Variants in ADGRB3 observed in about 807,000 individuals in gnomAD.
ADGRB3 encodes adhesion G protein-coupled receptor B3, also known as brain-specific angiogenesis inhibitor 3.
Under a neutral mutation model 193.4 loss-of-function variants are expected in ADGRB3, and 37 were observed. That is an observed-to-expected ratio of 0.19 (90% CI 0.15 to 0.25). The LOEUF is 0.25. ADGRB3 is among the 10% of genes least tolerant of loss of function. The pLI is 1.00. For missense variants in ADGRB3, 1,637 were observed against 1,852.9 expected, an observed-to-expected ratio of 0.88 and a Z score of 2.14; for synonymous variants, 690 against 644.2, an observed-to-expected ratio of 1.07 and a Z score of -1.08.
At chr6:69,067,314 A>G (rs1771938633) in intron 16 of ADGRB3, among the ~76,000 whole-genome samples, 1 of 152,276 alleles carries the variant, frequency 6.6e-6, no homozygotes, top group East Asian at 1.9e-4. Flanking sequence ...ATTTGCGTGC[A>G]TTCTAATAGC....
intron 3 of ADGRB3, among the ~76,000 whole-genome samples, chr6:68,724,974 C>T (rs879868783): frequency 4.0e-5 from 6 of 151,436 alleles, no homozygotes; most frequent in Non-Finnish European, 8.9e-5. Context: ...TTTTTTTCCG[C>T]AAATATATGT....
chr6:69,294,978 A>G (rs1057071338), intron 20 of ADGRB3, among the ~76,000 whole-genome samples: 1 of 152,132 alleles, frequency 6.6e-6, no homozygotes, highest in Non-Finnish European at 1.5e-5. Context: ...TCAGGAATCT[A>G]TTTGGTGACG....
At chr6:68,884,685 A>T (rs1001850416) in intron 3 of ADGRB3, among the ~76,000 whole-genome samples, 1 of 152,074 alleles carries the variant, frequency 6.6e-6, no homozygotes, top group African/African-American at 2.4e-5. Flanking sequence ...AGTGAAAGAG[A>T]TAGAGAAAAA....
chr6:69,158,724 G>A (rs1443824726), intron 17 of ADGRB3, among the ~76,000 whole-genome samples: 3 of 151,974 alleles, frequency 2.0e-5, no homozygotes, highest in African/African-American at 7.2e-5. Context: ...TCTGAACCCT[G>A]CTTGAAGATA....
intron 20 of ADGRB3, among the ~76,000 whole-genome samples, chr6:69,280,393 T>A (rs1561975365): frequency 6.6e-6 from 1 of 152,156 alleles, no homozygotes; most frequent in African/African-American, 2.4e-5. Context: ...TGAGAGGCAG[T>A]ATTATATTGT....
At position 69,377,400 on chromosome 6, in the gene ADGRB3, A is replaced by T. The variant is rs1441834628; in HGVS notation, c.4275+4959A>T. Among the ~76,000 whole-genome samples the T allele has an allele frequency of 2.0e-5, 3 of 151,998 alleles. No homozygotes were observed. The East Asian group carries it at 5.8e-4, about 29-fold the overall frequency. On this transcript the variant is annotated intron_variant, in intron 30 of 31. Coordinates refer to ENST00000370598, the MANE Select transcript of ADGRB3 (RefSeq NM_001704.3). ...CCAGAATTCCTCTTCACCAAATTGG[A>T]TCATAGTAAGTAGAACTTCTTTTCC...
intron 3 of ADGRB3, among the ~76,000 whole-genome samples, chr6:68,815,142 A>G (rs989457191): frequency 2.0e-5 from 3 of 152,128 alleles, no homozygotes; most frequent in Non-Finnish European, 2.9e-5. Context: ...GGCCAGGGCA[A>G]TCAGGCAGGA....
At chr6:68,923,039 A>C (rs996451704) in intron 3 of ADGRB3, among the ~76,000 whole-genome samples, 2 of 152,132 alleles carry the variant, frequency 1.3e-5, no homozygotes, top group African/African-American at 2.4e-5. Flanking sequence ...GTTAAGATGG[A>C]ATTAGAGTTA....
chr6:69,155,645 A>G (rs1238003363), intron 17 of ADGRB3, among the ~76,000 whole-genome samples: 2 of 152,212 alleles, frequency 1.3e-5, no homozygotes, highest in African/African-American at 4.8e-5. Context: ...CAATCAGTCA[A>G]TCTACTGCTG....
chr6:69,351,653 CT>C (rs1769228956), intron 26 of ADGRB3, among the ~76,000 whole-genome samples: 1 of 152,054 alleles, frequency 6.6e-6, no homozygotes, highest in Non-Finnish European at 1.5e-5. Context: ...TAGAAATGCC[CT>C]TAATCTATTG....
chr6:69,124,192 T>C (rs1425711914), intron 17 of ADGRB3, among the ~76,000 whole-genome samples: 1 of 152,152 alleles, frequency 6.6e-6, no homozygotes, highest in African/African-American at 2.4e-5. Flanking sequence ...ATGTCTTTTT[T>C]CCAAAACACC....
chr6:69,367,020 T>C (rs191301355), intron 29 of ADGRB3, among the ~76,000 whole-genome samples: 129 of 152,136 alleles, frequency 8.5e-4, no homozygotes, highest in African/African-American at 3.0e-3. Flanking sequence ...AACTATGGAA[T>C]GAAAGGGAGA....
intron 31 of ADGRB3, among the ~76,000 whole-genome samples, chr6:69,386,146 A>G (rs1374354103): frequency 6.6e-6 from 1 of 152,122 alleles, no homozygotes; most frequent in Non-Finnish European, 1.5e-5. Context: ...AGAACCTCTC[A>G]GGAATTCAAT....
Position 69,164,731 on chromosome 6 carries a change from G to A in ADGRB3, c.2481-68559G>A, listed in dbSNP as rs989117121. On this transcript the variant is annotated intron_variant, in intron 17 of 31. Transcript: ENST00000370598. ...CTTCTTGTGGGCCAGTTAGAAGACA[G>A]TGAAATGAATGAGACAGCGTCCGTG... Among the ~76,000 whole-genome samples the A allele has an allele frequency of 3.9e-5, 6 of 152,082 alleles. No individual in the cohort carries two copies. The East Asian group carries it at 5.8e-4, about 15-fold the overall frequency.
chr6:68,743,492 A>AT (rs1348125357), intron 3 of ADGRB3, among the ~76,000 whole-genome samples: 5 of 151,570 alleles, frequency 3.3e-5, no homozygotes, highest in Non-Finnish European at 5.9e-5. Flanking sequence ...CATGTGTTCT[A>AT]TTTTTTGAGG....
intron 20 of ADGRB3, among the ~76,000 whole-genome samples, chr6:69,295,041 A>G (rs1216129563): frequency 6.6e-6 from 1 of 152,150 alleles, no homozygotes; most frequent in African/African-American, 2.4e-5. Flanking sequence ...TCACTGCAGC[A>G]AGCCTGCTCT....
chr6:68,717,393 C>T lies in ADGRB3; in HGVS notation c.757+77961C>T, dbSNP rs1199343830. On this transcript the variant is annotated intron_variant, in intron 3 of 31. Coordinates refer to ENST00000370598, the MANE Select transcript of ADGRB3 (RefSeq NM_001704.3). ...AAAAACGATATGTTTTAGAATGTTACATCATAACAAATTTTAATCTAAAAA... is the reference window on the plus strand; with the variant it reads ...AAAAACGATATGTTTTAGAATGTTATATCATAACAAATTTTAATCTAAAAA... Among the ~76,000 whole-genome samples the T allele has an allele frequency of 2.0e-5, 3 of 151,618 alleles. No homozygotes were observed. The South Asian group carries it at 6.2e-4, about 31-fold the overall frequency.
chr6:69,236,442 T>C (rs1346925591), intron 19 of ADGRB3, among the ~76,000 whole-genome samples: 1 of 151,938 alleles, frequency 6.6e-6, no homozygotes, highest in Non-Finnish European at 1.5e-5. Context: ...GGCAGCAGAA[T>C]CTTGGGTTCA....
chr6:69,308,814 C>T (rs571494035), intron 20 of ADGRB3, among the ~76,000 whole-genome samples: 2 of 151,494 alleles, frequency 1.3e-5, no homozygotes, highest in Non-Finnish European at 1.5e-5. Context: ...CTCCAGCCAT[C>T]GTGTAAACAT....
Sources: allele counts gnomAD v4.1 joint callset (sites outside exome capture counted in the v4.1 genomes callset), GRCh38; gene constraint gnomAD v4.1.1; transcripts MANE v1.5; gene names NCBI Gene and HGNC (gene_info 2026-07-23, HGNC 2026-07-21).